The following IGSF10 variants were observed in gnomAD, a reference collection of about 807,000 sequenced individuals.
The protein encoded by IGSF10 is immunoglobulin superfamily member 10.
IGSF10 carries 126 observed loss-of-function variants against 128.2 expected under a neutral mutation model. That is an observed-to-expected ratio of 0.98 (90% CI 0.85 to 1.14). The LOEUF is 1.14. Among genes scored for constraint, IGSF10 ranks in the 50% most tolerant of loss-of-function variants. The pLI, the probability that IGSF10 is intolerant of heterozygous loss-of-function variation, is 0.00. For missense variants in IGSF10, 3,295 were observed against 3,149.8 expected (o/e 1.05, Z -1.10); for synonymous variants, 1,185 against 1,146.2 (o/e 1.03, Z -0.68).
the IGSF10 span, among the ~76,000 whole-genome samples, chr3:151,563,289 C>T: frequency 0.025 from 3,853 of 152,204 alleles, 98 homozygotes; most frequent in East Asian, 0.13. Context: ...CGTACCTCTG[C>T]ACCTCATGTC....
the IGSF10 span, among the ~76,000 whole-genome samples, chr3:151,480,499 C>T: frequency 1.3e-5 from 2 of 152,282 alleles, no homozygotes; most frequent in East Asian, 1.9e-4. Flanking sequence ...ATGGAGCTGA[C>T]GCTGTGCACT....
In IGSF10 at chr3:151,437,731, T is replaced by C. The variant is rs150554446; in HGVS notation, c.6830A>G (p.Asp2277Gly). 1.2e-4 allele frequency: 196 copies of C among 1,614,138 alleles called. No homozygotes were observed. The African/African-American group carries it at 2.4e-3, about 20-fold the overall frequency. ...PSPEVMWIMP[D>G]NIFLTAPYYG... ...GTATGGGGCTGTGAGGAAAATATTG[T>C]CTGGCATGATCCACATGACTTCAGG... Residue 2277 changes from aspartate to glycine, a missense_variant, in exon 8 of 8, where the codon GAC becomes GGC. Asp to Gly is a moderately conservative substitution (Grantham distance 94, BLOSUM62 -1). Coordinates refer to ENST00000282466, the MANE Select transcript of IGSF10 (RefSeq NM_178822.5).
chr3:151,606,479 T>C, the IGSF10 span, among the ~76,000 whole-genome samples: 6 of 152,202 alleles, frequency 3.9e-5, no homozygotes, highest in African/African-American at 1.4e-4. Flanking sequence ...CATAAGCCTG[T>C]ACCCATATTT....
rs769341119 is a variant in IGSF10, at chr3:151,437,278, A to ATTTC, written c.7279_7282dup (p.Ile2428ArgfsTer31). The ATTTC allele has an allele frequency of 4.1e-5, 66 of 1,614,160 alleles. No homozygotes were observed. The highest frequency in any genetic ancestry group is 5.3e-5 in the Non-Finnish European group (62 of 1,180,018). On this transcript the variant is annotated frameshift_variant, in exon 8 of 8. Coordinates refer to ENST00000282466, the MANE Select transcript of IGSF10 (RefSeq NM_178822.5). LOFTEE classifies it low-confidence loss of function (END_TRUNC). ...GGTAAGAATAACTGGCTTCTGGCCA[A>ATTTC]TTTCTAATATGACTAATTTCTCAAT...
rs752061036 is a variant in IGSF10 at position 151,449,183 on chromosome 3, G to C, written c.798C>G (p.Gly266=). The change falls in exon 6 of 8, where the codon GGC becomes GGG. Residue 266 remains glycine, a synonymous_variant. Coordinates refer to ENST00000282466, the MANE Select transcript of IGSF10 (RefSeq NM_178822.5). The part of the protein sequence containing the change: ...PLCMNPRTSK[G]KPLAMVSAAA... ...CAGCTGAGACCATAGCTAACGGCTT[G>C]CCTTTAGAAGTCCTAGGGTTCATGC... The C allele has an allele frequency of 1.9e-6, 3 of 1,614,160 alleles. No homozygotes were observed. In the Admixed American group the frequency reaches 5.0e-5, roughly 27 times the overall value.
chr3:151,486,136 A>C, the IGSF10 span, among the ~76,000 whole-genome samples: 1 of 150,760 alleles, frequency 6.6e-6, no homozygotes, highest in Non-Finnish European at 1.5e-5. Flanking sequence ...AGCAAAAAAC[A>C]AAACAAAACA....
chr3:151,607,637 C>T, the IGSF10 span, among the ~76,000 whole-genome samples: 439 of 152,112 alleles, frequency 2.9e-3, 1 homozygote, highest in African/African-American at 9.5e-3. Context: ...ATGGGCCAGG[C>T]GCGGTGGCTC....
At chr3:151,537,790 C>T in the IGSF10 span, among the ~76,000 whole-genome samples, 1 of 152,312 alleles carries the variant, frequency 6.6e-6, no homozygotes, top group South Asian at 2.1e-4. Flanking sequence ...AACCTACCTT[C>T]TTTCCCTTCT....
At chr3:151,617,073 T>G in the IGSF10 span, among the ~76,000 whole-genome samples, 18 of 152,198 alleles carry the variant, frequency 1.2e-4, no homozygotes, top group African/African-American at 4.3e-4. Flanking sequence ...CTGTAAGATT[T>G]AAAGTAGTTT....
the IGSF10 span, among the ~76,000 whole-genome samples, chr3:151,526,527 T>C: frequency 1.1e-4 from 17 of 152,168 alleles, no homozygotes; most frequent in Non-Finnish European, 2.4e-4. Flanking sequence ...CATAGACTTT[T>C]AGTACCACGA....
In IGSF10 at chr3:151,458,543, G is replaced by A. The variant is rs760358748; in HGVS notation, c.167C>T (p.Pro56Leu). 74 of 1,613,800 alleles carry A rather than the reference G, an allele frequency of 4.6e-5. 1 individual carries two copies. The highest frequency in any genetic ancestry group is 3.5e-4 in the South Asian group (32 of 91,036). The part of the protein sequence containing the change: ...RYLTSIPDSI[P>L]PNVERINLGY... ...TAAATTGATGCGTTCCACATTGGGC[G>A]GGATGCTGTCTGGGATGGAAGTCAG... The change falls in exon 3 of 8, where the codon CCG becomes CTG. Residue 56 changes from proline (P) to leucine (L), a missense_variant. Coordinates refer to ENST00000282466, the MANE Select transcript of IGSF10 (RefSeq NM_178822.5).
the IGSF10 span, among the ~76,000 whole-genome samples, chr3:151,472,083 T>C: frequency 1.3e-5 from 2 of 152,122 alleles, no homozygotes; most frequent in Admixed American, 1.3e-4. Context: ...AATGATCCAA[T>C]TATGAAAAAA....
chr3:151,440,056 G>C (rs1720755058), intron 7 of IGSF10, among the ~76,000 whole-genome samples: 1 of 118,486 alleles, frequency 8.4e-6, no homozygotes, highest in South Asian at 2.9e-4. Context: ...TTTGAGACAG[G>C]GTGTCACTCT....
chr3:151,450,632 C>A (rs528976406), intron 5 of IGSF10, among the ~76,000 whole-genome samples: 2 of 152,232 alleles, frequency 1.3e-5, no homozygotes, highest in Admixed American at 1.3e-4. Context: ...CGCAATCGCT[C>A]ACGCCTGTAA....
chr3:151,617,309 T>C, the IGSF10 span, among the ~76,000 whole-genome samples: 102 of 127,300 alleles, frequency 8.0e-4, 1 homozygote, highest in African/African-American at 2.8e-3. Context: ...TTCTTCTTCT[T>C]CTTCTTCTTC....
chr3:151,577,847 C>G, the IGSF10 span, among the ~76,000 whole-genome samples: 3,230 of 152,154 alleles, frequency 0.021, 135 homozygotes, highest in African/African-American at 0.075. Flanking sequence ...GTGAGCTCAC[C>G]TGGGGTAAAG....
the IGSF10 span, among the ~76,000 whole-genome samples, chr3:151,493,444 C>T: frequency 6.6e-6 from 1 of 152,128 alleles, no homozygotes; most frequent in Non-Finnish European, 1.5e-5. Flanking sequence ...CAGCCTTGTA[C>T]AGAGGTGCCA....
chr3:151,498,881 C>A, the IGSF10 span, among the ~76,000 whole-genome samples: 2 of 152,004 alleles, frequency 1.3e-5, no homozygotes, highest in Admixed American at 1.3e-4. Flanking sequence ...AAGTTTCGCT[C>A]AATACAGGAT....
the IGSF10 span, among the ~76,000 whole-genome samples, chr3:151,553,054 A>G: frequency 6.6e-6 from 1 of 152,156 alleles, no homozygotes; most frequent in Non-Finnish European, 1.5e-5. Context: ...ATATTTTCAT[A>G]TAACTGAAAA....
Sources: gnomAD v4.1 joint callset for allele counts (sites outside exome capture counted in the v4.1 genomes callset) on GRCh38, gnomAD v4.1.1 for gene constraint, MANE v1.5 for transcripts, NCBI Gene and HGNC (gene_info 2026-07-23, HGNC 2026-07-21) for gene names.